Variants in DHX35 observed in about 807,000 individuals in gnomAD.
DHX35 encodes probable ATP-dependent RNA helicase DHX35.
Under a neutral mutation model 99.6 loss-of-function variants are expected in DHX35, and 84 were observed. That is an observed-to-expected ratio of 0.84 (90% CI 0.71 to 1.01). The LOEUF (loss-of-function observed/expected upper bound fraction) is 1.01. DHX35 is among the 50% of genes least tolerant of loss of function. The pLI, the probability that DHX35 is intolerant of heterozygous loss-of-function variation, is 0.00. For missense variants in DHX35, 852 were observed against 888.5 expected (o/e 0.96, Z 0.52); for synonymous variants, 331 against 316.2 (o/e 1.05, Z -0.50).
At chr20:39,022,407 T>G (rs1320481230) in intron 16 of DHX35, among the ~76,000 whole-genome samples, 1 of 152,130 alleles carries the variant, frequency 6.6e-6, no homozygotes, top group Non-Finnish European at 1.5e-5. Context: ...GATCCGCCCT[T>G]GACCTCCCAA....
At chr20:39,023,639 C>A in intron 16 of DHX35, 51 bp from the exon 17 acceptor site, 4 of 1,537,620 alleles carry the variant, frequency 2.6e-6, no homozygotes, top group Non-Finnish European at 3.6e-6. Context: ...AGGTGTGAGC[C>A]ACCACACCCA....
intron 3 of DHX35, among the ~76,000 whole-genome samples, chr20:38,980,099 C>T (rs1364790222): frequency 1.3e-5 from 2 of 152,170 alleles, no homozygotes; most frequent in African/African-American, 4.8e-5. Flanking sequence ...CTTTAAATTT[C>T]CACCTCTCAG....
intron 1 of DHX35, 24 bp from the exon 2 acceptor site, chr20:38,969,057 G>C (rs2085953378): frequency 6.6e-7 from 1 of 1,521,556 alleles, no homozygotes; most frequent in Non-Finnish European, 8.9e-7. Context: ...CAGAGAATCT[G>C]AAAAAAAAAC....
chr20:38,995,970 T>G (rs1009673856), intron 8 of DHX35, among the ~76,000 whole-genome samples: 1 of 152,218 alleles, frequency 6.6e-6, no homozygotes, highest in Non-Finnish European at 1.5e-5. Flanking sequence ...TGACTTTATC[T>G]TCTTCCACTT....
At chr20:39,000,571 G>T (rs1182547478) in intron 8 of DHX35, among the ~76,000 whole-genome samples, 1 of 152,122 alleles carries the variant, frequency 6.6e-6, no homozygotes, top group Admixed American at 6.5e-5. Flanking sequence ...CAATTTTGAG[G>T]TTAATATATA....
chr20:39,005,246 C>A (rs1401621771), intron 11 of DHX35, among the ~76,000 whole-genome samples: 1 of 152,304 alleles, frequency 6.6e-6, no homozygotes, highest in Middle Eastern at 3.4e-3. Flanking sequence ...AGGGGCAGCT[C>A]CCAATGTACT....
At chr20:39,038,085 T>G (rs1221626055) in intron 21 of DHX35, among the ~76,000 whole-genome samples, 4 of 152,222 alleles carry the variant, frequency 2.6e-5, no homozygotes, top group Non-Finnish European at 5.9e-5. Flanking sequence ...AAAGAGAGGA[T>G]AATTTTTCTT....
At chr20:38,990,278 TATG>T (rs755098549) in intron 5 of DHX35, among the ~76,000 whole-genome samples, 1 of 152,152 alleles carries the variant, frequency 6.6e-6, no homozygotes, top group Admixed American at 6.5e-5. Flanking sequence ...CCAAGAAAAA[TATG>T]ATGGCAATGC....
chr20:38,972,016 T>G (rs2086008028), intron 2 of DHX35, among the ~76,000 whole-genome samples: 3 of 143,788 alleles, frequency 2.1e-5, no homozygotes, highest in African/African-American at 5.1e-5. Context: ...TTTTTTTTTT[T>G]TTTTTTTTTT....
intron 3 of DHX35, among the ~76,000 whole-genome samples, chr20:38,979,664 A>G (rs2086140424): frequency 6.6e-6 from 1 of 152,170 alleles, no homozygotes; most frequent in Non-Finnish European, 1.5e-5. Context: ...GATCTAGGAA[A>G]ATTGGAATGG....
chr20:39,038,417 G>T, intron 21 of DHX35, 82 bp from the exon 22 acceptor site: 2 of 1,430,020 alleles, frequency 1.4e-6, no homozygotes, highest in Non-Finnish European at 2.0e-6. Flanking sequence ...GATTTGATGT[G>T]GTCATTCATA....
chr20:39,038,568 G>C lies in DHX35; in HGVS notation c.*25G>C, dbSNP rs2087194956. ...AGAGGAGCCCACAGCTACAGCTGCA[G>C]GGACTGCTGGCGTCCTCTCCTCCAT... On this transcript the variant is annotated 3_prime_UTR_variant, in exon 22 of 22. Coordinates refer to ENST00000252011, the MANE Select transcript of DHX35 (RefSeq NM_021931.4). 1 of 1,607,370 alleles carries C rather than the reference G, an allele frequency of 6.2e-7. No homozygotes were observed. The highest frequency in any genetic ancestry group is 1.7e-5 in the Admixed American group (1 of 59,522).
chr20:39,012,413 TAAAG>T (rs1310415976), intron 13 of DHX35, among the ~76,000 whole-genome samples: 1 of 151,984 alleles, frequency 6.6e-6, no homozygotes, highest in Non-Finnish European at 1.5e-5. Flanking sequence ...ATTCACTAAA[TAAAG>T]CTAAAGGAAA....
chr20:38,962,983 C>G (rs2085857657), intron 1 of DHX35: 1 of 152,342 alleles, frequency 6.6e-6, no homozygotes, highest in African/African-American at 2.4e-5. Flanking sequence ...AATAAATGCT[C>G]AAAAAAAGGG....
chr20:38,975,167 A>G (rs895207741), intron 3 of DHX35, among the ~76,000 whole-genome samples: 2 of 152,012 alleles, frequency 1.3e-5, no homozygotes, highest in African/African-American at 4.8e-5. Context: ...TATTTTTTTA[A>G]AGTTTCCCAA....
At chr20:38,966,953 G>C (rs2085920664) in intron 1 of DHX35, among the ~76,000 whole-genome samples, 1 of 152,188 alleles carries the variant, frequency 6.6e-6, no homozygotes, top group Non-Finnish European at 1.5e-5. Flanking sequence ...TCCAGGTCCT[G>C]TTCCATCTTT....
chr20:38,962,710 A>C, intron 1 of DHX35: 10 of 407,004 alleles, frequency 2.5e-5, no homozygotes, highest in Admixed American at 4.1e-5. Context: ...GGGAATCCTA[A>C]AGCTCCCTCT....
At position 38,990,847 on chromosome 20, in the gene DHX35, G is replaced by A. The variant is rs62202578; in HGVS notation, c.451-607G>A. Among the ~76,000 whole-genome samples the A allele has an allele frequency of 6.2e-3, 948 of 152,230 alleles. 11 individuals are homozygous for A. Among genetic ancestry groups the A allele is most frequent in the African/African-American group, 0.022 (897 of 41,526 alleles). On this transcript the variant is annotated intron_variant, in intron 5 of 21. Transcript: ENST00000252011. ...CTTATTTATTTTTCACATTAACTTG[G>A]TGAGGTAAATACTTTGATTACCTCA...
chr20:38,997,825 G>A lies in DHX35; in HGVS notation c.642+2945G>A, dbSNP rs62202584. 8.5e-3 allele frequency among the ~76,000 whole-genome samples: 1,299 copies of A among 152,314 alleles called. 20 individuals are homozygous for A. Among genetic ancestry groups the A allele is most frequent in the African/African-American group, 0.03 (1,239 of 41,566 alleles). On this transcript the variant is annotated intron_variant, in intron 8 of 21. Transcript: ENST00000252011. ...GAGGGCAAGAATGAGGACTATGTGG[G>A]AGTGGCAGGGGGGTTGGGTGTGGCT... is the stretch of plus-strand genomic sequence containing the variant.
Sources: gnomAD v4.1 joint callset for allele counts (sites outside exome capture counted in the v4.1 genomes callset) on GRCh38, gnomAD v4.1.1 for gene constraint, MANE v1.5 for transcripts, NCBI Gene and HGNC (gene_info 2026-07-23, HGNC 2026-07-21) for gene names.